GRIN3A: variants seen among roughly 807,000 people sequenced by gnomAD.
GRIN3A encodes glutamate ionotropic receptor NMDA type subunit 3A, also known as glutamate receptor ionotropic, NMDA 3A.
Under a neutral mutation model 92.4 loss-of-function variants are expected in GRIN3A, and 47 were observed. The observed-to-expected ratio is 0.51, with a 90% CI of 0.40 to 0.65. The LOEUF is 0.65. Among genes scored for constraint, GRIN3A ranks in the 30% least tolerant of loss-of-function variants. The probability of loss-of-function intolerance (pLI) is 0.00; values close to 1 mark genes in which losing one functional copy is unlikely to be tolerated. For missense variants in GRIN3A, 1,324 were observed against 1,393.1 expected (o/e 0.95, Z 0.79); for synonymous variants, 527 against 540.6 (o/e 0.97, Z 0.35).
chr9:101,668,687 C>G (rs1829273629), intron 3 of GRIN3A, among the ~76,000 whole-genome samples: 1 of 152,118 alleles, frequency 6.6e-6, no homozygotes, highest in African/African-American at 2.4e-5. Flanking sequence ...CTTGCCTAGT[C>G]AATGAGGCAT....
At chr9:101,594,909 C>T (rs1166309236) in intron 6 of GRIN3A, 1 of 1,599,080 alleles carries the variant, frequency 6.3e-7, no homozygotes, top group East Asian at 2.2e-5. Flanking sequence ...GGGTAACTGG[C>T]CTCGTTTCCC....
chr9:101,697,249 A>G (rs1460398700), intron 1 of GRIN3A, among the ~76,000 whole-genome samples: 4 of 152,176 alleles, frequency 2.6e-5, no homozygotes, highest in African/African-American at 9.6e-5. Context: ...TGCTGCAATG[A>G]CATTTTATTT....
chr9:101,667,249 T>C (rs569686591), intron 3 of GRIN3A, among the ~76,000 whole-genome samples: 2 of 152,038 alleles, frequency 1.3e-5, no homozygotes, highest in African/African-American at 4.8e-5. Flanking sequence ...TACATTATAT[T>C]ACAAAATAGG....
rs866927570 is a variant in GRIN3A at position 101,723,179 on chromosome 9, G to C, written c.699+14102C>G. ...TCACTGACTTCAAGAATGAAGCCGCGGACCCTCGCGGTGAGTGTTACAGCT... is the reference window on the plus strand; with the variant it reads ...TCACTGACTTCAAGAATGAAGCCGCCGACCCTCGCGGTGAGTGTTACAGCT... On this transcript the variant is annotated intron_variant, in intron 1 of 8. Coordinates refer to ENST00000361820, the MANE Select transcript of GRIN3A (RefSeq NM_133445.3). Among the ~76,000 whole-genome samples the C allele has an allele frequency of 2.6e-5, 4 of 152,268 alleles. No homozygotes were observed. The South Asian group carries it at 6.2e-4, about 24-fold the overall frequency.
At chr9:101,656,829 G>A (rs1829094780) in intron 3 of GRIN3A, among the ~76,000 whole-genome samples, 1 of 151,896 alleles carries the variant, frequency 6.6e-6, no homozygotes, top group Non-Finnish European at 1.5e-5. Flanking sequence ...TGAGGGAGAA[G>A]CAGCTTCACC....
chr9:101,659,436 T>C (rs556081327), intron 3 of GRIN3A, among the ~76,000 whole-genome samples: 78 of 121,018 alleles, frequency 6.4e-4, no homozygotes, highest in African/African-American at 2.2e-3. Context: ...TATTTATTTA[T>C]ACATAGAAAG....
intron 6 of GRIN3A, among the ~76,000 whole-genome samples, chr9:101,596,224 C>A (rs2118818845): frequency 6.6e-6 from 1 of 152,298 alleles, no homozygotes; most frequent in Middle Eastern, 3.4e-3. Flanking sequence ...ATCACCTTAT[C>A]ATTAAGTCTG....
At chr9:101,579,574 C>CTAG (rs1235180453) in intron 6 of GRIN3A, among the ~76,000 whole-genome samples, 2 of 150,690 alleles carry the variant, frequency 1.3e-5, no homozygotes, top group Non-Finnish European at 3.0e-5. Context: ...CACCCAATGC[C>CTAG]TAGAGGGTGA....
chr9:101,694,263 A>G (rs1564146295), intron 1 of GRIN3A, among the ~76,000 whole-genome samples: 1 of 152,232 alleles, frequency 6.6e-6, no homozygotes. Context: ...TATTCATACA[A>G]CAAATTATTT....
At chr9:101,687,334 T>C (rs1365061306) in intron 1 of GRIN3A, 134 bp from the exon 2 acceptor site, 1 of 879,562 alleles carries the variant, frequency 1.1e-6, no homozygotes, top group Admixed American at 2.1e-5. Context: ...AAAATTCCCA[T>C]AGTTTGGAAA....
intron 3 of GRIN3A, among the ~76,000 whole-genome samples, chr9:101,669,847 T>A (rs1381960936): frequency 6.6e-6 from 1 of 151,988 alleles, no homozygotes; most frequent in African/African-American, 2.4e-5. Flanking sequence ...GAAAAGACAC[T>A]CCCCAAAACT....
intron 1 of GRIN3A, among the ~76,000 whole-genome samples, chr9:101,708,867 C>G (rs1829841770): frequency 6.6e-6 from 1 of 152,204 alleles, no homozygotes; most frequent in Non-Finnish European, 1.5e-5. Flanking sequence ...CAGTAAACCT[C>G]CAACATATGA....
chr9:101,670,112 A>G lies in GRIN3A; in HGVS notation c.2300T>C (p.Val767Ala), dbSNP rs779552725. 13 of 1,613,710 alleles carry G rather than the reference A, an allele frequency of 8.1e-6. No individual in the cohort carries two copies. Among genetic ancestry groups the G allele is most frequent in the Non-Finnish European group, 1.1e-5 (13 of 1,179,832 alleles). The part of the protein sequence containing the change: ...LSTYTANLAA[V>A]MVGEKIYEEL... ...TTCATAGATCTTCTCACCTACCATG[A>G]CAGCAGCCAAGTTTGCCGTGTATGT... The change falls in exon 3 of 9, where the codon GTC (valine) becomes GCC (alanine). Residue 767 changes from valine to alanine, a missense_variant. Coordinates refer to ENST00000361820, the MANE Select transcript of GRIN3A (RefSeq NM_133445.3).
chr9:101,670,195 A>C lies in GRIN3A; in HGVS notation c.2217T>G (p.Cys739Trp). 1.2e-6 allele frequency: 2 copies of C among 1,614,030 alleles called. No homozygotes were observed. Among genetic ancestry groups the C allele is most frequent in the Non-Finnish European group, 1.7e-6 (2 of 1,179,922 alleles). ...GRTVAIKPPK[C>W]WTGRFLMNLW... is the part of the protein sequence containing the mutation. The stretch of plus-strand genomic sequence containing the variant: ...GGTTCATTAGAAACCTTCCAGTCCA[A>C]CATTTTGGAGGTTTGATGGCCACTG... Residue 739 changes from cysteine (C) to tryptophan (W), a missense_variant, in exon 3 of 9, where the codon TGT becomes TGG. Coordinates refer to ENST00000361820, the MANE Select transcript of GRIN3A (RefSeq NM_133445.3).
chr9:101,612,406 G>A (rs1027902020), intron 6 of GRIN3A, among the ~76,000 whole-genome samples: 4 of 152,160 alleles, frequency 2.6e-5, no homozygotes, highest in African/African-American at 9.7e-5. Context: ...AGATTTAGGA[G>A]GGAAGATCAA....
At chr9:101,607,157 GAA>G (rs11297988) in intron 6 of GRIN3A, among the ~76,000 whole-genome samples, 42 of 144,798 alleles carry the variant, frequency 2.9e-4, no homozygotes, top group Middle Eastern at 7.2e-3. Flanking sequence ...TGGAATTCAG[GAA>G]AAAAAAAAAA....
chr9:101,643,168 T>A (rs183984868), intron 3 of GRIN3A, among the ~76,000 whole-genome samples: 2 of 152,148 alleles, frequency 1.3e-5, no homozygotes, highest in East Asian at 3.9e-4. Flanking sequence ...ATACAAAATA[T>A]ATTAGAAACT....
At chr9:101,609,089 G>A (rs910203272) in intron 6 of GRIN3A, among the ~76,000 whole-genome samples, 1 of 152,218 alleles carries the variant, frequency 6.6e-6, no homozygotes, top group Admixed American at 6.5e-5. Flanking sequence ...CACGCTTCGT[G>A]ATTTGACCCT....
intron 3 of GRIN3A, among the ~76,000 whole-genome samples, chr9:101,663,982 C>T (rs1829208161): frequency 6.6e-6 from 1 of 151,766 alleles, no homozygotes; most frequent in South Asian, 2.1e-4. Context: ...TGTATCCTTT[C>T]AGCTGAGCCA....
Sources: gnomAD v4.1 joint callset for allele counts (sites outside exome capture counted in the v4.1 genomes callset) on GRCh38, gnomAD v4.1.1 for gene constraint, MANE v1.5 for transcripts, NCBI Gene and HGNC (gene_info 2026-07-23, HGNC 2026-07-21) for gene names.